RALA: variants seen among roughly 807,000 people sequenced by gnomAD.
RALA encodes the protein RAS like proto-oncogene A.
A neutral mutation model predicts 24.0 loss-of-function variants in RALA; 5 were observed. The observed-to-expected ratio is 0.21, with a 90% confidence interval of 0.11 to 0.44. The LOEUF (loss-of-function observed/expected upper bound fraction) is 0.44, where lower values mean the gene tolerates loss of function less well. Ranked by LOEUF, RALA falls within the 20% of genes least tolerant of loss-of-function variation. The pLI is 0.99. For missense variants in RALA, 95 were observed against 241.2 expected (o/e 0.39, Z 4.01); for synonymous variants, 77 against 83.8 (o/e 0.92, Z 0.44).
chr7:39,645,068 G>A (rs1791901848), intron 1 of RALA, among the ~76,000 whole-genome samples: 1 of 152,130 alleles, frequency 6.6e-6, no homozygotes, highest in Non-Finnish European at 1.5e-5. Flanking sequence ...CAGACTTTTT[G>A]ATGACTTTCC....
At chr7:39,661,622 G>A (rs1039627151) in intron 1 of RALA, among the ~76,000 whole-genome samples, 48 of 152,230 alleles carry the variant, frequency 3.2e-4, no homozygotes, top group Non-Finnish European at 2.9e-5. Flanking sequence ...GATGCAAAAG[G>A]TGGGTTCCCA....
At chr7:39,690,696 T>A in intron 3 of RALA, 106 bp downstream of exon 3, 1 of 853,624 alleles carries the variant, frequency 1.2e-6, no homozygotes. Flanking sequence ...TTTTACTCTG[T>A]CTCTAATTGT....
chr7:39,627,000 C>CCTT (rs35786653), intron 1 of RALA, among the ~76,000 whole-genome samples: 101,493 of 151,478 alleles, frequency 0.67, 34,628 homozygotes, highest in African/African-American at 0.8. Flanking sequence ...TCTCTTCCCT[C>CCTT]CTAAGCCTGT....
At chr7:39,695,524 G>T (rs1792902412) in intron 3 of RALA, among the ~76,000 whole-genome samples, 1 of 151,482 alleles carries the variant, frequency 6.6e-6, no homozygotes, top group Non-Finnish European at 1.5e-5. Context: ...CGATCTTCCT[G>T]AGTAGCTAGG....
At chr7:39,696,617 G>C in intron 3 of RALA, 68 bp from the exon 4 acceptor site, 1 of 1,298,380 alleles carries the variant, frequency 7.7e-7, no homozygotes, top group Non-Finnish European at 1.1e-6. Flanking sequence ...AATAGGTATG[G>C]GGCAAACAAG....
At chr7:39,650,560 T>C (rs965887889) in intron 1 of RALA, among the ~76,000 whole-genome samples, 9 of 152,056 alleles carry the variant, frequency 5.9e-5, no homozygotes, top group African/African-American at 1.9e-4. Context: ...TCAAACCACA[T>C]AGAAAATCAG....
intron 1 of RALA, among the ~76,000 whole-genome samples, chr7:39,643,585 G>A (rs2115948845): frequency 6.6e-6 from 1 of 152,342 alleles, no homozygotes; most frequent in Non-Finnish European, 1.5e-5. Context: ...GCCAGGCGTG[G>A]TGGCTTACGC....
At chr7:39,653,290 A>G (rs1792049107) in intron 1 of RALA, among the ~76,000 whole-genome samples, 1 of 151,854 alleles carries the variant, frequency 6.6e-6, no homozygotes, top group Non-Finnish European at 1.5e-5. Context: ...AGCCTCCCAA[A>G]GTGCTGAGAT....
chr7:39,673,793 T>C (rs1035446168), intron 1 of RALA, among the ~76,000 whole-genome samples: 5 of 152,042 alleles, frequency 3.3e-5, no homozygotes, highest in Non-Finnish European at 7.4e-5. Context: ...ACTCCTGATG[T>C]TAATGGAAGT....
At chr7:39,677,356 C>T (rs1393218228) in intron 1 of RALA, among the ~76,000 whole-genome samples, 1 of 148,546 alleles carries the variant, frequency 6.7e-6, no homozygotes, top group Non-Finnish European at 1.5e-5. Flanking sequence ...TTTCCAATTT[C>T]ATCCATGTCC....
chr7:39,678,967 A>T (rs950531750), intron 1 of RALA, among the ~76,000 whole-genome samples: 5 of 151,756 alleles, frequency 3.3e-5, no homozygotes, highest in East Asian at 3.9e-4. Context: ...TTACCATTTT[A>T]AAAAAAAATC....
intron 4 of RALA, among the ~76,000 whole-genome samples, chr7:39,698,589 G>A (rs564649833): frequency 1.3e-5 from 2 of 152,236 alleles, no homozygotes; most frequent in Admixed American, 1.3e-4. Flanking sequence ...GGTTTTAAAA[G>A]GCAACGTTGA....
chr7:39,646,278 G>A (rs971644620), intron 1 of RALA, among the ~76,000 whole-genome samples: 3 of 152,056 alleles, frequency 2.0e-5, no homozygotes, highest in African/African-American at 7.3e-5. Context: ...GGATGACAGA[G>A]CAAGACCCTG....
intron 1 of RALA, among the ~76,000 whole-genome samples, chr7:39,650,397 A>G (rs1172157687): frequency 6.6e-6 from 1 of 152,234 alleles, no homozygotes; most frequent in Non-Finnish European, 1.5e-5. Context: ...GAAGCCTAAA[A>G]TATTTACTAG....
intron 1 of RALA, among the ~76,000 whole-genome samples, chr7:39,652,602 GC>G (rs1474419056): frequency 6.6e-6 from 1 of 152,028 alleles, no homozygotes; most frequent in Non-Finnish European, 1.5e-5. Context: ...TAAGAATAAA[GC>G]AATTCTAATA....
chr7:39,642,128 A>G (rs1180198097), intron 1 of RALA, among the ~76,000 whole-genome samples: 2 of 152,216 alleles, frequency 1.3e-5, no homozygotes, highest in Non-Finnish European at 2.9e-5. Context: ...CTGTAACAAA[A>G]GGCAATTTAA....
At chr7:39,648,669 C>T (rs1041433534) in intron 1 of RALA, among the ~76,000 whole-genome samples, 1 of 152,004 alleles carries the variant, frequency 6.6e-6, no homozygotes, top group Admixed American at 6.6e-5. Context: ...CTTTTATTCC[C>T]AGTGATATGA....
intron 1 of RALA, among the ~76,000 whole-genome samples, chr7:39,681,492 A>G (rs539253580): frequency 6.6e-4 from 100 of 151,186 alleles, no homozygotes; most frequent in African/African-American, 2.2e-3. Context: ...TCTTACCTCA[A>G]TTGGTGAAAT....
At chr7:39,702,071 G>T (rs1278452082) in intron 4 of RALA, among the ~76,000 whole-genome samples, 1 of 152,160 alleles carries the variant, frequency 6.6e-6, no homozygotes, top group Non-Finnish European at 1.5e-5. Flanking sequence ...GTTTTATGTC[G>T]AGGGAAGAAT....
Sources: gnomAD v4.1 joint callset for allele counts (sites outside exome capture counted in the v4.1 genomes callset) on GRCh38, gnomAD v4.1.1 for gene constraint, MANE v1.5 for transcripts, NCBI Gene and HGNC (gene_info 2026-07-23, HGNC 2026-07-21) for gene names.